The following CKAP2L variants were observed in gnomAD, a reference collection of about 807,000 sequenced individuals.
The protein encoded by CKAP2L is cytoskeleton-associated protein 2-like.
In CKAP2L, 42 loss-of-function variants were observed where a neutral mutation model predicts 65.7. That is an observed-to-expected ratio of 0.64 (90% CI 0.50 to 0.83). The LOEUF is 0.83. CKAP2L is among the 40% of genes least tolerant of loss of function. The pLI is 0.00. For synonymous variants in CKAP2L, 325 were observed against 313.5 expected, an observed-to-expected ratio of 1.04 and a Z score of -0.39; for missense variants, 908 against 871.0, an observed-to-expected ratio of 1.04 and a Z score of -0.53.
chr2:112,761,302 T>C (rs1333433661), intron 2 of CKAP2L, among the ~76,000 whole-genome samples: 2 of 151,338 alleles, frequency 1.3e-5, no homozygotes, highest in Admixed American at 1.3e-4. Flanking sequence ...CTACTAAAAA[T>C]ACAAAAAAAT....
intron 3 of CKAP2L, 40 bp from the exon 4 acceptor site, chr2:112,757,254 C>A: frequency 1.5e-6 from 2 of 1,370,694 alleles, no homozygotes; most frequent in East Asian, 2.3e-5. Context: ...AAATCCTTAA[C>A]ATATCTTATT....
chr2:112,760,798 C>A, intron 2 of CKAP2L, 34 bp from the exon 3 acceptor site: 2 of 1,110,692 alleles, frequency 1.8e-6, no homozygotes, highest in Non-Finnish European at 1.3e-6. Flanking sequence ...ATCCTCAGCA[C>A]AGAAGGATTC....
intron 7 of CKAP2L, among the ~76,000 whole-genome samples, chr2:112,741,919 A>G (rs556761843): frequency 2.7e-5 from 4 of 147,012 alleles, no homozygotes; most frequent in East Asian, 4.0e-4. Flanking sequence ...CACCACCACA[A>G]CTGGCTAATT....
intron 6 of CKAP2L, among the ~76,000 whole-genome samples, chr2:112,745,602 C>T (rs556398097): frequency 1.4e-3 from 209 of 152,206 alleles, no homozygotes; most frequent in African/African-American, 4.7e-3. Flanking sequence ...AAAATGGTCT[C>T]GATCTCCTGA....
rs1246964374 is a variant in CKAP2L at position 112,736,854 on chromosome 2, T to C, written c.*1969A>G. On this transcript the variant is annotated 3_prime_UTR_variant, in exon 9 of 9. Transcript: ENST00000302450. ...TGTCCATTGATGGGCATTTAGGTTG[T>C]TTCCACATCTTGGCTATTGAGAATA... 6.6e-6 allele frequency: 1 copy of C among 152,244 alleles called. No homozygotes were observed. The highest frequency in any genetic ancestry group is 1.5e-5 in the Non-Finnish European group (1 of 68,046). 9.4% of individuals were successfully genotyped at this position (152,244 alleles called of 1,614,324 possible).
In CKAP2L at chr2:112,737,799, T is replaced by G. The variant is rs1199069951; in HGVS notation, c.*1024A>C. 2 of 152,196 alleles carry G rather than the reference T, an allele frequency of 1.3e-5. No individual in the cohort carries two copies. Among genetic ancestry groups the G allele is most frequent in the Non-Finnish European group, 2.9e-5 (2 of 68,040 alleles). The allele number at this position is 152,196 out of a possible 1,614,324, so 9.4% of individuals were successfully genotyped here. On this transcript the variant is annotated 3_prime_UTR_variant, in exon 9 of 9. Transcript: ENST00000302450. ...TTAGGACAGCCAACTGGTATATCCTTAGACAAACTCCTAATTCTCTATGCA... is the reference window on the plus strand; with the variant it reads ...TTAGGACAGCCAACTGGTATATCCTGAGACAAACTCCTAATTCTCTATGCA...
rs151180183 is a variant in CKAP2L at position 112,756,274 on chromosome 2, G to A, written c.1097C>T (p.Ser366Leu). The change falls in exon 4 of 9, where the codon TCA (serine) becomes TTA (leucine). Residue 366 changes from serine to leucine, a missense_variant. Ser to Leu is a moderately radical substitution (Grantham distance 145). Coordinates refer to ENST00000302450, the MANE Select transcript of CKAP2L (RefSeq NM_152515.5). ...KSSQVCIPQT[S>L]CVLQKSKAIS... ...GGCTTTTGACTTTTGCAGTACACAT[G>A]ATGTCTGAGGTATACAAACTTGGCT... is the stretch of plus-strand genomic sequence containing the variant. 6.2e-6 allele frequency: 10 copies of A among 1,613,980 alleles called. No individual in the cohort carries two copies. In the African/African-American group the frequency reaches 1.3e-4, roughly 22 times the overall value.
chr2:112,757,272 AAAT>A lies in CKAP2L; in HGVS notation c.157-61_157-59del, dbSNP rs1680571515. 1.7e-5 allele frequency: 21 copies of A among 1,233,916 alleles called. No individual in the cohort carries two copies. The South Asian group carries it at 2.9e-4, about 17-fold the overall frequency. 76.4% of individuals were successfully genotyped at this position (1,233,916 alleles called of 1,614,324 possible). A position where few individuals can be genotyped will look rare whatever the true frequency, so the allele number is the denominator to read the frequency against. ...TCCTTAACATATCTTATTGTTTTTA[AAAT>A]AATAACTGTGTTTAACACATGCTAA... On this transcript the variant is annotated intron_variant, in intron 3 of 8. Transcript: ENST00000302450.
intron 7 of CKAP2L, chr2:112,742,285 T>C (rs984136014): frequency 2.8e-5 from 19 of 684,684 alleles, no homozygotes; most frequent in Non-Finnish European, 4.6e-5. Flanking sequence ...CTGACAGTGA[T>C]GGTCATCCAA....
rs192463342 is a variant in CKAP2L, at chr2:112,745,259, A to G, written c.1758+1161T>C. On this transcript the variant is annotated intron_variant, in intron 6 of 8. Transcript: ENST00000302450. ...TTAGCGAAGAGTTTGTGAATTAATTATATAATAAATACTCAGAAAACTAAG... is the reference window on the plus strand; with the variant it reads ...TTAGCGAAGAGTTTGTGAATTAATTGTATAATAAATACTCAGAAAACTAAG... Among the ~76,000 whole-genome samples, 458 of 152,370 alleles carry G rather than the reference A, an allele frequency of 3.0e-3. 1 individual carries two copies. The highest frequency in any genetic ancestry group is 5.3e-3 in the Non-Finnish European group (358 of 68,034).
At chr2:112,750,975 T>C (rs1213008650) in intron 5 of CKAP2L, among the ~76,000 whole-genome samples, 2 of 152,100 alleles carry the variant, frequency 1.3e-5, no homozygotes, top group African/African-American at 4.8e-5. Flanking sequence ...ACCTGAGATC[T>C]TTTAAAAAGA....
intron 5 of CKAP2L, among the ~76,000 whole-genome samples, chr2:112,749,137 G>C (rs999726493): frequency 6.6e-6 from 1 of 152,108 alleles, no homozygotes; most frequent in African/African-American, 2.4e-5. Flanking sequence ...TTTCAAATTT[G>C]TTTAAAACAT....
rs1574335911 is a variant in CKAP2L, at chr2:112,756,466, T to C, written c.905A>G (p.Asp302Gly). 6.2e-7 allele frequency: 1 copy of C among 1,612,060 alleles called. No homozygotes were observed. The highest frequency in any genetic ancestry group is 8.5e-7 in the Non-Finnish European group (1 of 1,179,294). Residue 302 changes from aspartate to glycine, a missense_variant, in exon 4 of 9, where the codon GAT becomes GGT. Coordinates refer to ENST00000302450, the MANE Select transcript of CKAP2L (RefSeq NM_152515.5). The stretch of plus-strand genomic sequence containing the variant: ...ATATTGACTCCTATTAACCTTTATA[T>C]CTTTGATGTTCTTGACTACTGGTTT... ...SKKPVVKNIKDIKVNRSQYER... is the reference protein window; with the variant it reads ...SKKPVVKNIKGIKVNRSQYER...
intron 7 of CKAP2L, 55 bp from the exon 8 acceptor site, chr2:112,741,062 T>A: frequency 8.6e-7 from 1 of 1,156,072 alleles, no homozygotes; most frequent in Non-Finnish European, 1.3e-6. Flanking sequence ...ATACTTCAAC[T>A]AGAAGTCAAT....
intron 4 of CKAP2L, 137 bp downstream of exon 4, chr2:112,755,840 T>C: frequency 1.2e-6 from 1 of 800,888 alleles, no homozygotes; most frequent in Non-Finnish European, 2.0e-6. Flanking sequence ...TTATATTTGC[T>C]TCAAATCTTT....
chr2:112,756,770 G>C lies in CKAP2L; in HGVS notation c.601C>G (p.Pro201Ala), dbSNP rs369686797. ...GGCTTACTTCTGGTATATAATTTAG[G>C]ATCTGGCTTCCTCTCAGGTTCTGTT... ...ILTEPERKPD[P>A]KLYTRSKPKT... is the part of the protein sequence containing the mutation. The change falls in exon 4 of 9, where the codon CCT becomes GCT. Residue 201 changes from proline (P) to alanine (A), a missense_variant. Transcript: ENST00000302450. 1.1e-5 allele frequency: 18 copies of C among 1,602,820 alleles called. No individual in the cohort carries two copies. The African/African-American group carries it at 2.2e-4, about 19-fold the overall frequency.
intron 5 of CKAP2L, among the ~76,000 whole-genome samples, 161 bp from the exon 6 acceptor site, chr2:112,746,736 A>G (rs994987123): frequency 1.3e-5 from 2 of 152,210 alleles, no homozygotes; most frequent in African/African-American, 4.8e-5. Context: ...ATGTACATGT[A>G]ATAAAATGCA....
Position 112,756,088 on chromosome 2 carries a change from T to C in CKAP2L, c.1283A>G (p.Gln428Arg), listed in dbSNP as rs538466607. 6.8e-5 allele frequency: 110 copies of C among 1,614,212 alleles called. No individual in the cohort carries two copies. In the South Asian group the frequency reaches 1.2e-3, roughly 17 times the overall value. Reference protein sequence around the residue: ...LDSKLKKAVPQNHFLNKTAPK... With the variant: ...LDSKLKKAVPRNHFLNKTAPK... ...AGCTGTCTTGTTCAGAAAATGGTTC[T>C]GGGGAACAGCCTTTTTCAACTTGGA... The change falls in exon 4 of 9, where the codon CAG becomes CGG. Residue 428 changes from glutamine (Q) to arginine (R), a missense_variant. Coordinates refer to ENST00000302450, the MANE Select transcript of CKAP2L (RefSeq NM_152515.5).
At chr2:112,748,866 T>TA (rs200133244) in intron 5 of CKAP2L, among the ~76,000 whole-genome samples, 175 of 134,616 alleles carry the variant, frequency 1.3e-3, no homozygotes, top group Middle Eastern at 3.8e-3. Flanking sequence ...CCCTGTCTCT[T>TA]AAAAAAAAAA....
Sources: gnomAD v4.1 joint callset for allele counts (sites outside exome capture counted in the v4.1 genomes callset) on GRCh38, gnomAD v4.1.1 for gene constraint, MANE v1.5 for transcripts, NCBI Gene and HGNC (gene_info 2026-07-23, HGNC 2026-07-21) for gene names.